Variants in CCDC175 observed in about 807,000 individuals in gnomAD.
CCDC175 encodes coiled-coil domain containing 175, also known as coiled-coil domain-containing protein 175.
A neutral mutation model predicts 114.6 loss-of-function variants in CCDC175; 100 were observed. The ratio of observed to expected loss-of-function variants is 0.87; its 90% CI spans 0.74 to 1.03. CCDC175 has a LOEUF of 1.03. CCDC175 is among the 50% of genes least tolerant of loss of function. CCDC175 has a pLI of 0.00. For synonymous variants in CCDC175, 306 were observed against 308.7 expected (o/e 0.99, Z 0.09); for missense variants, 880 against 917.8 (o/e 0.96, Z 0.53).
intron 19 of CCDC175, among the ~76,000 whole-genome samples, chr14:59,508,265 C>T (rs907778835): frequency 2.6e-5 from 4 of 151,834 alleles, no homozygotes; most frequent in Admixed American, 6.6e-5. Flanking sequence ...GCGTTCGCCC[C>T]GCTTTGTTTA....
At chr14:59,557,324 G>T (rs1416260258) in intron 7 of CCDC175, among the ~76,000 whole-genome samples, 2 of 151,990 alleles carry the variant, frequency 1.3e-5, no homozygotes, top group East Asian at 1.9e-4. Flanking sequence ...TAGGGACATG[G>T]ATGAAGCTGG....
chr14:59,513,237 C>A (rs1370765202), intron 17 of CCDC175, among the ~76,000 whole-genome samples: 1 of 152,156 alleles, frequency 6.6e-6, no homozygotes, highest in Non-Finnish European at 1.5e-5. Flanking sequence ...CTCCCAACGT[C>A]AGCGACGCAG....
chr14:59,539,033 G>A (rs774816568), intron 11 of CCDC175, among the ~76,000 whole-genome samples, 193 bp from the exon 12 acceptor site: 2 of 152,150 alleles, frequency 1.3e-5, no homozygotes, highest in Non-Finnish European at 2.9e-5. Flanking sequence ...TCTGCAAGTT[G>A]CTTCAGAGTA....
At chr14:59,529,690 T>A (rs530250445) in intron 14 of CCDC175, among the ~76,000 whole-genome samples, 1 of 152,312 alleles carries the variant, frequency 6.6e-6, no homozygotes, top group East Asian at 1.9e-4. Context: ...GTCTTATCTC[T>A]TCCAGTGTCT....
intron 17 of CCDC175, among the ~76,000 whole-genome samples, chr14:59,512,749 ATTC>A (rs1566592711): frequency 6.6e-6 from 1 of 151,898 alleles, no homozygotes; most frequent in African/African-American, 2.4e-5. Flanking sequence ...TAAAAAGTCT[ATTC>A]TTCCAACATT....
intron 6 of CCDC175, 118 bp downstream of exon 6, chr14:59,563,619 A>C (rs1053934463): frequency 8.6e-6 from 5 of 582,648 alleles, no homozygotes; most frequent in Non-Finnish European, 1.3e-5. Context: ...GTGTCAGAAA[A>C]TGTTAACGTG....
At chr14:59,518,686 A>G (rs866259221) in intron 17 of CCDC175, among the ~76,000 whole-genome samples, 23 of 152,158 alleles carry the variant, frequency 1.5e-4, no homozygotes, top group Middle Eastern at 3.2e-3. Context: ...TGGAGAGGAT[A>G]TGGAGAAACA....
intron 18 of CCDC175, 83 bp downstream of exon 18, chr14:59,511,675 CAA>C: frequency 8.6e-7 from 1 of 1,156,974 alleles, no homozygotes; most frequent in Non-Finnish European, 1.2e-6. Flanking sequence ...CACACAGACA[CAA>C]AAGCACACAC....
intron 8 of CCDC175, among the ~76,000 whole-genome samples, chr14:59,548,500 A>G: frequency 6.6e-6 from 1 of 152,198 alleles, no homozygotes; most frequent in Non-Finnish European, 1.5e-5. Flanking sequence ...GCTAAGGGCT[A>G]TGGATTAAAG....
chr14:59,529,160 A>G (rs1404992455), intron 14 of CCDC175, among the ~76,000 whole-genome samples: 3 of 152,122 alleles, frequency 2.0e-5, no homozygotes, highest in African/African-American at 7.2e-5. Context: ...TGAATTGTTC[A>G]GTTTCCTTTA....
At chr14:59,545,779 G>T (rs1284966988) in intron 8 of CCDC175, among the ~76,000 whole-genome samples, 6 of 152,092 alleles carry the variant, frequency 3.9e-5, no homozygotes, top group Non-Finnish European at 5.9e-5. Context: ...TGCTTCAAAC[G>T]AGGTAAGAAA....
chr14:59,540,732 ACT>A lies in CCDC175; in HGVS notation c.1296_1297del (p.Tyr434SerfsTer10), dbSNP rs1250929959. The A allele has an allele frequency of 6.6e-6, 10 of 1,519,354 alleles. No individual in the cohort carries two copies. The highest frequency in any genetic ancestry group is 1.7e-4 in the Middle Eastern group (1 of 5,926). The allele number at this position is 1,519,354 out of a possible 1,614,324, so 94.1% of individuals were successfully genotyped here. On this transcript the variant is annotated frameshift_variant, in exon 11 of 20. Coordinates refer to ENST00000537690, the MANE Select transcript of CCDC175 (RefSeq NM_001164399.2). LOFTEE classifies it high-confidence loss of function. ...CAGGATTTTGATTTGTTGCTGATAC[ACT>A]GTTTTTGTTGCTCTAAAAAGAAAAA...
chr14:59,544,208 C>G (rs187017892), intron 9 of CCDC175, among the ~76,000 whole-genome samples: 3 of 152,150 alleles, frequency 2.0e-5, no homozygotes, highest in Non-Finnish European at 4.4e-5. Flanking sequence ...CTCTTGTCGC[C>G]CAGGCCAGAG....
intron 2 of CCDC175, 39 bp downstream of exon 2, chr14:59,574,904 G>T: frequency 1.9e-6 from 2 of 1,079,508 alleles, no homozygotes; most frequent in South Asian, 1.5e-5. Context: ...AGAAATATGT[G>T]GAAGATTGAA....
intron 4 of CCDC175, 69 bp downstream of exon 4, chr14:59,568,176 C>T: frequency 7.0e-7 from 1 of 1,430,928 alleles, no homozygotes; most frequent in Non-Finnish European, 9.2e-7. Flanking sequence ...GAGTAAACCC[C>T]TCCCGACAAT....
intron 11 of CCDC175, 59 bp from the exon 12 acceptor site, chr14:59,538,899 T>C: frequency 6.8e-7 from 1 of 1,462,272 alleles, no homozygotes; most frequent in South Asian, 1.3e-5. Flanking sequence ...ACTAAAAAGA[T>C]GAAGAAATTC....
intron 3 of CCDC175, among the ~76,000 whole-genome samples, chr14:59,569,343 T>C (rs1269091030): frequency 6.6e-5 from 10 of 152,188 alleles, no homozygotes. Flanking sequence ...CAGCTTCTGA[T>C]ACAGTGGGTC....
chr14:59,506,469 G>A (rs1892401971), intron 19 of CCDC175, among the ~76,000 whole-genome samples: 1 of 151,876 alleles, frequency 6.6e-6, no homozygotes, highest in Non-Finnish European at 1.5e-5. Flanking sequence ...TGTATTTGTA[G>A]TAGAAATGGG....
intron 19 of CCDC175, among the ~76,000 whole-genome samples, chr14:59,506,105 T>G (rs1372892250): frequency 6.6e-6 from 1 of 152,060 alleles, no homozygotes; most frequent in African/African-American, 2.4e-5. Flanking sequence ...CTTGATTAAT[T>G]TGGGTCAGTT....
Sources: gnomAD v4.1 joint callset for allele counts (sites outside exome capture counted in the v4.1 genomes callset) on GRCh38, gnomAD v4.1.1 for gene constraint, MANE v1.5 for transcripts, NCBI Gene and HGNC (gene_info 2026-07-23, HGNC 2026-07-21) for gene names.